The following SYTL2 variants were observed in gnomAD, a reference collection of about 807,000 sequenced individuals.
SYTL2 encodes synaptotagmin-like protein 2.
Under a neutral mutation model 198.7 loss-of-function variants are expected in SYTL2, and 165 were observed. That is an observed-to-expected ratio of 0.83 (90% CI 0.73 to 0.94). SYTL2 has a LOEUF of 0.94. Ranked by LOEUF, SYTL2 falls within the 40% of genes least tolerant of loss-of-function variation. The pLI, the probability that SYTL2 is intolerant of heterozygous loss-of-function variation, is 0.00. For missense variants in SYTL2, 2,835 were observed against 2,582.8 expected (o/e 1.10, Z -2.12); for synonymous variants, 966 against 917.7 (o/e 1.05, Z -0.95).
chr11:85,833,002 AAAAGAAAGAAAAGAAAGAAAG>A, the SYTL2 span, among the ~76,000 whole-genome samples: 97 of 91,806 alleles, frequency 1.1e-3, 7 homozygotes, highest in African/African-American at 2.8e-3. Context: ...TCTCAAAAAA[AAAAGAAAGAAAAGAAAGAAAG>A]AAAGAAAGAA....
intron 1 of SYTL2, among the ~76,000 whole-genome samples, chr11:85,791,166 C>CCAAAA: frequency 2.5e-5 from 1 of 39,516 alleles, no homozygotes; most frequent in Non-Finnish European, 3.9e-5. Context: ...GAGTCTGCCT[C>CCAAAA]AAAAAAAAAA....
chr11:85,732,761 T>A (rs546607924), intron 7 of SYTL2, among the ~76,000 whole-genome samples: 85 of 152,244 alleles, frequency 5.6e-4, no homozygotes, highest in African/African-American at 1.8e-3. Flanking sequence ...AAATTTTTTT[T>A]AAAAAAGCAA....
chr11:85,729,965 T>A (rs2089626374), intron 7 of SYTL2, among the ~76,000 whole-genome samples: 1 of 152,038 alleles, frequency 6.6e-6, no homozygotes, highest in Admixed American at 6.6e-5. Context: ...CTATAAACAC[T>A]TCTATGCAAA....
chr11:85,717,612 G>C, intron 10 of SYTL2, 82 bp from the exon 11 acceptor site: 1 of 1,157,470 alleles, frequency 8.6e-7, no homozygotes. Flanking sequence ...TCAAATGTCA[G>C]TTTCACAACT....
At chr11:85,849,063 T>A in the SYTL2 span, among the ~76,000 whole-genome samples, 3 of 152,186 alleles carry the variant, frequency 2.0e-5, no homozygotes, top group East Asian at 5.8e-4. Context: ...TATAATACAA[T>A]ATTGCAACGT....
chr11:85,756,685 T>C (rs1316905903), intron 2 of SYTL2, among the ~76,000 whole-genome samples: 2 of 152,188 alleles, frequency 1.3e-5, no homozygotes, highest in Admixed American at 6.5e-5. Context: ...ACTGTCTATA[T>C]AGAAGTTATT....
At chr11:85,795,928 T>C (rs775288673) in intron 1 of SYTL2, among the ~76,000 whole-genome samples, 1 of 152,156 alleles carries the variant, frequency 6.6e-6, no homozygotes, top group African/African-American at 2.4e-5. Flanking sequence ...GCACAGAGCA[T>C]ACACATAAGC....
At chr11:85,713,377 A>G (rs1485173481) in intron 12 of SYTL2, among the ~76,000 whole-genome samples, 1 of 152,232 alleles carries the variant, frequency 6.6e-6, no homozygotes, top group Non-Finnish European at 1.5e-5. Flanking sequence ...GCACTGTGCT[A>G]TGTGTTTTCC....
intron 8 of SYTL2, among the ~76,000 whole-genome samples, chr11:85,723,310 G>C (rs1019091139): frequency 1.2e-4 from 19 of 152,180 alleles, no homozygotes; most frequent in African/African-American, 4.6e-4. Flanking sequence ...AATGCCCTTA[G>C]GTGGCATCAG....
chr11:85,806,775 A>G (rs1410684591), intron 1 of SYTL2, among the ~76,000 whole-genome samples: 1 of 152,220 alleles, frequency 6.6e-6, no homozygotes, highest in African/African-American at 2.4e-5. Flanking sequence ...GGAAACCATG[A>G]ATAGAAAACA....
the SYTL2 span, among the ~76,000 whole-genome samples, chr11:85,825,292 G>A: frequency 6.6e-6 from 1 of 150,614 alleles, no homozygotes; most frequent in Admixed American, 6.6e-5. Flanking sequence ...GGAGGCTGAG[G>A]CAGGAGAATG....
the SYTL2 span, among the ~76,000 whole-genome samples, chr11:85,817,157 C>T: frequency 2.6e-5 from 4 of 152,116 alleles, no homozygotes; most frequent in Admixed American, 6.5e-5. Context: ...AAGTGAGATC[C>T]TGGTAGATTA....
At chr11:85,810,104 G>A (rs2093011372) in intron 1 of SYTL2, among the ~76,000 whole-genome samples, 1 of 152,178 alleles carries the variant, frequency 6.6e-6, no homozygotes, top group East Asian at 1.9e-4. Context: ...GGCTTCCTCT[G>A]CACATCCCTG....
chr11:85,763,359 A>G (rs986988422), intron 1 of SYTL2, among the ~76,000 whole-genome samples: 3 of 152,230 alleles, frequency 2.0e-5, no homozygotes, highest in East Asian at 1.9e-4. Flanking sequence ...CTTCTTGTCA[A>G]TTGTCCAAAA....
intron 13 of SYTL2, among the ~76,000 whole-genome samples, chr11:85,709,999 T>C (rs1344887623): frequency 6.6e-6 from 1 of 152,232 alleles, no homozygotes; most frequent in Non-Finnish European, 1.5e-5. Context: ...TGTTTTTAAA[T>C]AATTTTCCCT....
At chr11:85,821,865 C>G in the SYTL2 span, among the ~76,000 whole-genome samples, 2 of 152,184 alleles carry the variant, frequency 1.3e-5, no homozygotes, top group Non-Finnish European at 2.9e-5. Flanking sequence ...TGGGAGAGCA[C>G]AACCACTGGG....
rs183687546 is a variant in SYTL2, at chr11:85,775,403, T to C, written c.-389-17289A>G. Among the ~76,000 whole-genome samples, 7 of 152,320 alleles carry C rather than the reference T, an allele frequency of 4.6e-5. No homozygotes were observed. In the East Asian group the frequency reaches 1.3e-3, roughly 29 times the overall value. On this transcript the variant is annotated intron_variant, in intron 1 of 19. Transcript: ENST00000359152. ...ACAATGTTGGGGGTTTACACTGTAC[T>C]GTAGCACACGTACTCTTCACAACCC...
chr11:85,774,213 A>G (rs903705761), intron 1 of SYTL2, among the ~76,000 whole-genome samples: 1 of 152,240 alleles, frequency 6.6e-6, no homozygotes, highest in Non-Finnish European at 1.5e-5. Flanking sequence ...TTAGAGAAGG[A>G]ACTGACATTT....
At chr11:85,708,258 A>G (rs2085565710) in intron 14 of SYTL2, 2 of 276,962 alleles carry the variant, frequency 7.2e-6, no homozygotes, top group Non-Finnish European at 7.2e-6. Flanking sequence ...TGCTTGCAGT[A>G]TTTTTAAGTT....
Sources: gnomAD v4.1 joint callset for allele counts (sites outside exome capture counted in the v4.1 genomes callset) on GRCh38, gnomAD v4.1.1 for gene constraint, MANE v1.5 for transcripts, NCBI Gene and HGNC (gene_info 2026-07-23, HGNC 2026-07-21) for gene names.